Variants in IMMP2L observed in about 807,000 individuals in gnomAD.
IMMP2L encodes inner mitochondrial membrane peptidase subunit 2.
In IMMP2L, 18 loss-of-function variants were observed where a neutral mutation model predicts 19.3. That is an observed-to-expected ratio of 0.93 (90% CI 0.64 to 1.38). The LOEUF is 1.38. Among genes scored for constraint, IMMP2L ranks in the 40% most tolerant of loss-of-function variants. The pLI, the probability that IMMP2L is intolerant of heterozygous loss-of-function variation, is 0.00. For missense variants in IMMP2L, 233 were observed against 218.2 expected, an observed-to-expected ratio of 1.07 and a Z score of -0.43; for synonymous variants, 76 against 73.0, an observed-to-expected ratio of 1.04 and a Z score of -0.21.
chr7:110,997,407 ATG>A (rs1312363278), intron 3 of IMMP2L, among the ~76,000 whole-genome samples: 3 of 152,072 alleles, frequency 2.0e-5, no homozygotes, highest in Non-Finnish European at 4.4e-5. Flanking sequence ...TCGGGGATAA[ATG>A]TCCAAGTGAC....
intron 5 of IMMP2L, among the ~76,000 whole-genome samples, chr7:110,816,887 T>G (rs2131306263): frequency 6.6e-6 from 1 of 152,306 alleles, no homozygotes; most frequent in East Asian, 1.9e-4. Flanking sequence ...GTTTCCTGAA[T>G]ATACGACACT....
At chr7:110,801,983 G>A (rs1357959150) in intron 5 of IMMP2L, among the ~76,000 whole-genome samples, 1 of 152,036 alleles carries the variant, frequency 6.6e-6, no homozygotes, top group Non-Finnish European at 1.5e-5. Flanking sequence ...ATATGACAGT[G>A]AAGATCACCA....
At chr7:111,302,103 TTC>T (rs1822318652) in intron 3 of IMMP2L, among the ~76,000 whole-genome samples, 2 of 151,932 alleles carry the variant, frequency 1.3e-5, no homozygotes, top group Admixed American at 1.3e-4. Context: ...AGTCTTTTTG[TTC>T]TCTGAGTACA....
At chr7:111,172,005 T>C (rs1806501135) in intron 3 of IMMP2L, among the ~76,000 whole-genome samples, 1 of 151,536 alleles carries the variant, frequency 6.6e-6, no homozygotes, top group African/African-American at 2.4e-5. Context: ...CATTTGGTAA[T>C]TTATTCTCTG....
intron 3 of IMMP2L, among the ~76,000 whole-genome samples, chr7:111,446,155 T>C (rs1451690392): frequency 6.6e-6 from 1 of 152,152 alleles, no homozygotes; most frequent in Non-Finnish European, 1.5e-5. Flanking sequence ...TGCCCAGGCT[T>C]GCTTAGGTAA....
intron 2 of IMMP2L, among the ~76,000 whole-genome samples, chr7:111,503,370 C>T (rs1585395630): frequency 6.6e-6 from 1 of 152,100 alleles, no homozygotes; most frequent in African/African-American, 2.4e-5. Context: ...GATGGATTCA[C>T]AGCCGAATTC....
chr7:110,924,522 C>T lies in IMMP2L; in HGVS notation c.306-37827G>A, dbSNP rs1360198211. Among the ~76,000 whole-genome samples, 1 of 151,920 alleles carries T rather than the reference C, an allele frequency of 6.6e-6. No homozygotes were observed. Among genetic ancestry groups the T allele is most frequent in the Non-Finnish European group, 1.5e-5 (1 of 67,956 alleles). ...TCTCACTATGGGGAACTGGGCAGGC[C>T]GGTTTTAATATTAGATATTCTAATA... On this transcript the variant is annotated intron_variant, in intron 4 of 5. Coordinates refer to ENST00000405709, the MANE Select transcript of IMMP2L (RefSeq NM_032549.4). This position sits in a 1 kb window ranked among gnomAD's most constrained non-coding sequence, Gnocchi z 4.2.
chr7:111,169,646 G>C (rs1043092140), intron 3 of IMMP2L, among the ~76,000 whole-genome samples: 1 of 151,786 alleles, frequency 6.6e-6, no homozygotes, highest in African/African-American at 2.4e-5. Flanking sequence ...TCTGTGTCCA[G>C]AGTACCCTGC....
intron 3 of IMMP2L, among the ~76,000 whole-genome samples, chr7:111,329,341 T>C (rs1156488045): frequency 6.6e-6 from 1 of 151,564 alleles, no homozygotes; most frequent in East Asian, 1.9e-4. Context: ...ACAAGGAAAC[T>C]CCAAACTTCA....
chr7:110,945,636 T>G (rs1817177066), intron 4 of IMMP2L, among the ~76,000 whole-genome samples: 1 of 151,970 alleles, frequency 6.6e-6, no homozygotes, highest in African/African-American at 2.4e-5. Context: ...TTATAGAATT[T>G]AGGAGCTGGA....
intron 3 of IMMP2L, among the ~76,000 whole-genome samples, chr7:111,445,748 G>A (rs569386650): frequency 2.6e-5 from 4 of 151,906 alleles, no homozygotes; most frequent in Non-Finnish European, 4.4e-5. Flanking sequence ...AGCTCCCAGC[G>A]TGAGTGACGC....
chr7:110,822,081 G>C (rs547898210), intron 5 of IMMP2L, among the ~76,000 whole-genome samples: 9 of 152,068 alleles, frequency 5.9e-5, no homozygotes, highest in Non-Finnish European at 1.2e-4. Context: ...ATCCTGACAA[G>C]TAAGATTTAA....
chr7:111,100,839 A>G (rs1245841606), intron 3 of IMMP2L, among the ~76,000 whole-genome samples: 1 of 151,640 alleles, frequency 6.6e-6, no homozygotes, highest in Non-Finnish European at 1.5e-5. Context: ...GGAAAGTTTT[A>G]TTGACCATAA....
At position 111,562,235 on chromosome 7, in the gene IMMP2L, G is replaced by C. The variant is rs577748420; in HGVS notation, c.-387C>G. 6.6e-6 allele frequency: 1 copy of C among 152,180 alleles called. No individual in the cohort carries two copies. Among genetic ancestry groups the C allele is most frequent in the Non-Finnish European group, 1.5e-5 (1 of 68,062 alleles). 9.4% of individuals were successfully genotyped at this position (152,180 alleles called of 1,614,324 possible). A position where few individuals can be genotyped will look rare whatever the true frequency, so the allele number is the denominator to read the frequency against. On this transcript the variant is annotated 5_prime_UTR_variant, in exon 1 of 6. Transcript: ENST00000405709. Reference sequence around the variant, plus strand: ...CTAGGCTGGGGTGGCCGCCGCACGCGCCTCAGATAAACACGCGCACGCACA... The same window carrying C: ...CTAGGCTGGGGTGGCCGCCGCACGCCCCTCAGATAAACACGCGCACGCACA...
rs193078000 is a variant in IMMP2L, at chr7:110,865,653, A to C, written c.408+20940T>G. On this transcript the variant is annotated intron_variant, in intron 5 of 5. Coordinates refer to ENST00000405709, the MANE Select transcript of IMMP2L (RefSeq NM_032549.4). ...TAATCACAAAAGACACCCTCCTTCA[A>C]AAAACAATCAGGTAGGCAGCACCGA... Among the ~76,000 whole-genome samples the C allele has an allele frequency of 2.8e-3, 424 of 152,140 alleles. 2 individuals are homozygous for C. Among genetic ancestry groups the C allele is most frequent in the Non-Finnish European group, 5.4e-3 (364 of 67,972 alleles).
chr7:111,370,310 A>G (rs1455150433), intron 3 of IMMP2L, among the ~76,000 whole-genome samples: 1 of 151,210 alleles, frequency 6.6e-6, no homozygotes, highest in African/African-American at 2.4e-5. Flanking sequence ...TAATAACATG[A>G]ATCTACACCT....
intron 5 of IMMP2L, among the ~76,000 whole-genome samples, chr7:110,804,852 G>A (rs1801515832): frequency 6.6e-6 from 1 of 152,078 alleles, no homozygotes; most frequent in Non-Finnish European, 1.5e-5. Context: ...ATGATCTAAA[G>A]GTTCAGGGCT....
At chr7:111,516,954 C>G (rs2529487) in intron 2 of IMMP2L, among the ~76,000 whole-genome samples, 33,935 of 151,876 alleles carry the variant, frequency 0.22, 5,522 homozygotes, top group African/African-American at 0.46. Flanking sequence ...TGCAAATTTA[C>G]CAGGTAACAT....
intron 3 of IMMP2L, among the ~76,000 whole-genome samples, chr7:111,229,914 G>A (rs986104602): frequency 5.1e-4 from 77 of 151,946 alleles, no homozygotes; most frequent in Non-Finnish European, 1.3e-4. Flanking sequence ...GTAAGCTTTG[G>A]TAAAAATCTC....
Sources: gnomAD v4.1 joint callset for allele counts (sites outside exome capture counted in the v4.1 genomes callset) on GRCh38, gnomAD v4.1.1 for gene constraint, Gnocchi (gnomAD v3.1) non-coding constraint, MANE v1.5 for transcripts, NCBI Gene and HGNC (gene_info 2026-07-23, HGNC 2026-07-21) for gene names.